ADAMTSL3: variants seen among roughly 807,000 people sequenced by gnomAD.
The protein encoded by ADAMTSL3 is ADAMTS-like protein 3.
A neutral mutation model predicts 201.7 loss-of-function variants in ADAMTSL3; 128 were observed. That is an observed-to-expected ratio of 0.63 (90% CI 0.55 to 0.73). The LOEUF is 0.73. ADAMTSL3 is among the 30% of genes least tolerant of loss of function. ADAMTSL3 has a pLI of 0.00. For synonymous variants in ADAMTSL3, 738 were observed against 748.4 expected, an observed-to-expected ratio of 0.99 and a Z score of 0.23; for missense variants, 1,990 against 2,119.6, an observed-to-expected ratio of 0.94 and a Z score of 1.20.
intron 5 of ADAMTSL3, among the ~76,000 whole-genome samples, chr15:83,812,900 C>T (rs1436235963): frequency 2.0e-5 from 3 of 152,182 alleles, no homozygotes; most frequent in African/African-American, 7.2e-5. Flanking sequence ...TTTATTTCCA[C>T]ATTTACAGAG....
At chr15:83,923,794 T>C in intron 16 of ADAMTSL3, 110 bp from the exon 17 acceptor site, 1 of 1,291,920 alleles carries the variant, frequency 7.7e-7, no homozygotes, top group Non-Finnish European at 1.1e-6. Flanking sequence ...AGCCCTATGA[T>C]AGTCAAAAGG....
chr15:83,757,821 C>A (rs747464151), intron 3 of ADAMTSL3, among the ~76,000 whole-genome samples: 3 of 152,136 alleles, frequency 2.0e-5, no homozygotes, highest in Non-Finnish European at 4.4e-5. Flanking sequence ...CACCAGATAC[C>A]CTGAATCATC....
At chr15:83,944,829 A>G (rs988164084) in intron 19 of ADAMTSL3, among the ~76,000 whole-genome samples, 4 of 152,186 alleles carry the variant, frequency 2.6e-5, no homozygotes, top group African/African-American at 7.2e-5. Context: ...GCTAAATGCA[A>G]TGGTTCTTGT....
rs1254536818 is a variant in ADAMTSL3 at position 83,744,572 on chromosome 15, A to G, written c.190-28951A>G. Reference sequence around the variant, plus strand: ...CTGGCAAAGCTAATTAACATGTATTACTTCACATACTTATCATTGTTTTTA... The same window carrying G: ...CTGGCAAAGCTAATTAACATGTATTGCTTCACATACTTATCATTGTTTTTA... On this transcript the variant is annotated intron_variant, in intron 3 of 29. Coordinates refer to ENST00000286744, the MANE Select transcript of ADAMTSL3 (RefSeq NM_207517.3). 7.2e-5 allele frequency among the ~76,000 whole-genome samples: 11 copies of G among 152,342 alleles called. No homozygotes were observed. The East Asian group carries it at 2.1e-3, about 29-fold the overall frequency.
At chr15:83,879,965 A>G (rs2065241378) in intron 9 of ADAMTSL3, among the ~76,000 whole-genome samples, 1 of 152,100 alleles carries the variant, frequency 6.6e-6, no homozygotes, top group South Asian at 2.1e-4. Flanking sequence ...ATATCTCCCC[A>G]TTGTCTTCTG....
At chr15:83,874,462 T>C (rs980048579) in intron 9 of ADAMTSL3, among the ~76,000 whole-genome samples, 1 of 144,380 alleles carries the variant, frequency 6.9e-6, no homozygotes, top group Admixed American at 6.8e-5. Flanking sequence ...AGTGTACTCC[T>C]GACTGGCCAG....
intron 3 of ADAMTSL3, among the ~76,000 whole-genome samples, chr15:83,771,984 C>G (rs1305922719): frequency 6.6e-6 from 1 of 152,158 alleles, no homozygotes; most frequent in Non-Finnish European, 1.5e-5. Context: ...TCCCGAGTAC[C>G]TGGGACCACA....
intron 8 of ADAMTSL3, among the ~76,000 whole-genome samples, chr15:83,860,559 A>C (rs988078060): frequency 1.3e-5 from 2 of 152,230 alleles, no homozygotes; most frequent in African/African-American, 4.8e-5. Context: ...AAAAAAATGC[A>C]ATGGATGGTC....
chr15:83,964,822 C>T (rs1202001965), intron 19 of ADAMTSL3, among the ~76,000 whole-genome samples: 1 of 152,216 alleles, frequency 6.6e-6, no homozygotes, highest in African/African-American at 2.4e-5. Context: ...AACAGTGGAT[C>T]TCTCTGCAGA....
At position 84,025,284 on chromosome 15, in the gene ADAMTSL3, G is replaced by A; in HGVS notation, c.4504G>A (p.Gly1502Arg). 6.2e-7 allele frequency: 1 copy of A among 1,613,724 alleles called. No individual in the cohort carries two copies. Among genetic ancestry groups the A allele is most frequent in the Middle Eastern group, 1.7e-4 (1 of 6,058 alleles). Residue 1502 changes from glycine (G) to arginine (R), a missense_variant, in exon 27 of 30, where the codon GGA (glycine) becomes AGA (arginine). Transcript: ENST00000286744. The stretch of plus-strand genomic sequence containing the variant: ...ACAGTGCTCTGTGTCTTGCGGTGAA[G>A]GATACCACAGTCGGCAGGTGACGTG... ...WSQCSVSCGE[G>R]YHSRQVTCKR...
chr15:83,982,839 A>G lies in ADAMTSL3; in HGVS notation c.3211A>G (p.Asn1071Asp). Residue 1071 changes from asparagine to aspartate, a missense_variant, in exon 21 of 30, where the codon AAC becomes GAC. Physicochemically the swap from Asn to Asp is conservative, Grantham distance 23 (BLOSUM62 1). Coordinates refer to ENST00000286744, the MANE Select transcript of ADAMTSL3 (RefSeq NM_207517.3). ...GHCSNSAGST[N>D]SWELKNKQFE... Reference sequence around the variant, plus strand: ...CTGCAGCAATTCTGCAGGAAGCACCAACTCCTGGGAGTTGAAGAATAAGCA... The same window carrying G: ...CTGCAGCAATTCTGCAGGAAGCACCGACTCCTGGGAGTTGAAGAATAAGCA... The G allele has an allele frequency of 6.2e-7, 1 of 1,614,162 alleles. No individual in the cohort carries two copies. Among genetic ancestry groups the G allele is most frequent in the Middle Eastern group, 1.6e-4 (1 of 6,062 alleles).
At chr15:83,696,019 A>G (rs2061683978) in intron 2 of ADAMTSL3, among the ~76,000 whole-genome samples, 1 of 152,284 alleles carries the variant, frequency 6.6e-6, no homozygotes, top group South Asian at 2.1e-4. Context: ...GTAAAGTCCC[A>G]TGTGCCATCC....
chr15:83,983,559 T>G (rs2067427349), intron 21 of ADAMTSL3, among the ~76,000 whole-genome samples: 2 of 152,134 alleles, frequency 1.3e-5, no homozygotes, highest in East Asian at 3.8e-4. Flanking sequence ...GTCGTAGAGG[T>G]GTGATATGAC....
At chr15:83,833,059 T>G (rs1337145958) in intron 6 of ADAMTSL3, among the ~76,000 whole-genome samples, 1 of 152,174 alleles carries the variant, frequency 6.6e-6, no homozygotes, top group Non-Finnish European at 1.5e-5. Flanking sequence ...TATCAGGCAT[T>G]GTGGAAGTCC....
At chr15:83,948,249 T>G (rs1038153808) in intron 19 of ADAMTSL3, among the ~76,000 whole-genome samples, 1 of 152,180 alleles carries the variant, frequency 6.6e-6, no homozygotes, top group Non-Finnish European at 1.5e-5. Flanking sequence ...GAACCACTTA[T>G]GATCTCATCC....
At chr15:83,795,864 C>T (rs1053813583) in intron 4 of ADAMTSL3, among the ~76,000 whole-genome samples, 5 of 151,956 alleles carry the variant, frequency 3.3e-5, no homozygotes, top group Non-Finnish European at 7.4e-5. Context: ...GGATTCCTGT[C>T]GATAGAGCCC....
At chr15:83,962,851 TGCA>T (rs896882966) in intron 19 of ADAMTSL3, among the ~76,000 whole-genome samples, 1 of 152,118 alleles carries the variant, frequency 6.6e-6, no homozygotes, top group Non-Finnish European at 1.5e-5. Context: ...AGACAGAGGG[TGCA>T]GCCCATGGAG....
intron 17 of ADAMTSL3, among the ~76,000 whole-genome samples, chr15:83,926,327 C>G (rs916363220): frequency 6.6e-6 from 1 of 152,078 alleles, no homozygotes; most frequent in South Asian, 2.1e-4. Context: ...GCAAGGGCCA[C>G]GGTAAGCACT....
intron 19 of ADAMTSL3, among the ~76,000 whole-genome samples, chr15:83,952,505 C>T (rs1234801660): frequency 6.6e-6 from 1 of 152,062 alleles, no homozygotes; most frequent in African/African-American, 2.4e-5. Context: ...TGGTTTTCGG[C>T]CTGGAAGATC....
Sources: gnomAD v4.1 joint callset for allele counts (sites outside exome capture counted in the v4.1 genomes callset) on GRCh38, gnomAD v4.1.1 for gene constraint, MANE v1.5 for transcripts, NCBI Gene and HGNC (gene_info 2026-07-23, HGNC 2026-07-21) for gene names.